TMEM132D: variants seen among roughly 807,000 people sequenced by gnomAD.
The protein encoded by TMEM132D is mature OL transmembrane protein.
In TMEM132D, 21 loss-of-function variants were observed where a neutral mutation model predicts 62.3. The observed-to-expected ratio is 0.34, with a 90% CI of 0.24 to 0.49. The LOEUF is 0.49. Ranked by LOEUF, TMEM132D falls within the 20% of genes least tolerant of loss-of-function variation. TMEM132D has a pLI of 0.99. For missense variants in TMEM132D, 1,346 were observed against 1,402.8 expected, an observed-to-expected ratio of 0.96 and a Z score of 0.65; for synonymous variants, 621 against 575.6, an observed-to-expected ratio of 1.08 and a Z score of -1.13.
At chr12:129,199,707 A>G (rs926109805) in intron 5 of TMEM132D, among the ~76,000 whole-genome samples, 1 of 152,138 alleles carries the variant, frequency 6.6e-6, no homozygotes. Context: ...AGGAGGAGCA[A>G]AGGCATGTCT....
chr12:129,585,220 A>G (rs912283872), intron 2 of TMEM132D, among the ~76,000 whole-genome samples: 2 of 152,194 alleles, frequency 1.3e-5, no homozygotes, highest in African/African-American at 4.8e-5. Flanking sequence ...AATTTAAAAC[A>G]TATGTTATTA....
intron 3 of TMEM132D, among the ~76,000 whole-genome samples, chr12:129,403,449 T>A (rs974579695): frequency 2.6e-5 from 4 of 151,290 alleles, no homozygotes; most frequent in African/African-American, 7.3e-5. Flanking sequence ...GTGGAGTGAG[T>A]AGGAAACGGC....
At position 129,084,532 on chromosome 12, in the gene TMEM132D, G is replaced by A. The variant is rs2135619496; in HGVS notation, c.1614C>T (p.Ile538=). ...IEVSDTELNQ[I]KGWRVPIVSS... ...AGACGATGGGCACTCTCCAACCCTT[G>A]ATCTGATTGAGCTCGGTGTCGGAGA... Residue 538 remains isoleucine, a synonymous_variant, in exon 6 of 9, where the codon ATC becomes ATT. Coordinates refer to ENST00000422113, the MANE Select transcript of TMEM132D (RefSeq NM_133448.3). 1 of 1,611,344 alleles carries A rather than the reference G, an allele frequency of 6.2e-7. No homozygotes were observed. Among genetic ancestry groups the A allele is most frequent in the Non-Finnish European group, 8.5e-7 (1 of 1,178,626 alleles).
intron 1 of TMEM132D, chr12:129,852,282 AC>A (rs1327265655): frequency 2.0e-5 from 3 of 152,216 alleles, no homozygotes; most frequent in African/African-American, 7.2e-5. Flanking sequence ...AGTGGCTCAC[AC>A]CTGTAATACC....
chr12:129,284,648 G>C (rs1220473233), intron 4 of TMEM132D, among the ~76,000 whole-genome samples: 1 of 152,196 alleles, frequency 6.6e-6, no homozygotes, highest in Non-Finnish European at 1.5e-5. Flanking sequence ...CAATAGGCAA[G>C]GGTGAAAACA....
At chr12:129,236,524 A>G (rs1566007187) in intron 4 of TMEM132D, among the ~76,000 whole-genome samples, 1 of 147,632 alleles carries the variant, frequency 6.8e-6, no homozygotes, top group Non-Finnish European at 1.5e-5. Context: ...CAAAAAAAAA[A>G]AAAAAAAGAA....
At chr12:129,366,600 G>A (rs1158531046) in intron 3 of TMEM132D, among the ~76,000 whole-genome samples, 2 of 152,176 alleles carry the variant, frequency 1.3e-5, no homozygotes, top group Non-Finnish European at 2.9e-5. Flanking sequence ...TTCTTTATAG[G>A]AATGCAAGAA....
chr12:129,698,958 TA>T (rs1408371264), intron 2 of TMEM132D, among the ~76,000 whole-genome samples: 1 of 152,150 alleles, frequency 6.6e-6, no homozygotes, highest in Non-Finnish European at 1.5e-5. Context: ...TCAGGAGTCA[TA>T]ACACACATTT....
intron 4 of TMEM132D, among the ~76,000 whole-genome samples, chr12:129,264,675 C>T (rs1229956453): frequency 6.6e-6 from 1 of 152,156 alleles, no homozygotes; most frequent in African/African-American, 2.4e-5. Flanking sequence ...CCCAAATGCC[C>T]ATCAATCAAT....
intron 5 of TMEM132D, among the ~76,000 whole-genome samples, chr12:129,182,358 C>T (rs550915004): frequency 2.4e-4 from 37 of 152,252 alleles, no homozygotes; most frequent in African/African-American, 8.7e-4. Flanking sequence ...AGCAAGACTC[C>T]ATCTCAAAAT....
At chr12:129,805,187 A>T (rs1593168788) in intron 1 of TMEM132D, among the ~76,000 whole-genome samples, 1 of 151,840 alleles carries the variant, frequency 6.6e-6, no homozygotes, top group African/African-American at 2.4e-5. Context: ...ATTGGAAAAA[A>T]CTACTTTAAA....
At chr12:129,436,005 G>T (rs992187940) in intron 3 of TMEM132D, among the ~76,000 whole-genome samples, 1 of 152,192 alleles carries the variant, frequency 6.6e-6, no homozygotes, top group Admixed American at 6.5e-5. Flanking sequence ...TTTAGGAACA[G>T]CTCTTTGAAT....
chr12:129,350,916 G>A (rs1019885733), intron 3 of TMEM132D, among the ~76,000 whole-genome samples: 7 of 152,180 alleles, frequency 4.6e-5, no homozygotes, highest in Non-Finnish European at 7.3e-5. Context: ...TATACATGAC[G>A]AATGAGGGCA....
At chr12:129,130,792 T>C (rs1414508513) in intron 5 of TMEM132D, among the ~76,000 whole-genome samples, 1 of 152,116 alleles carries the variant, frequency 6.6e-6, no homozygotes, top group African/African-American at 2.4e-5. Context: ...CGGTGCATAT[T>C]ACAGAAATTA....
chr12:129,671,411 A>G (rs898688207), intron 2 of TMEM132D, among the ~76,000 whole-genome samples: 1 of 152,240 alleles, frequency 6.6e-6, no homozygotes, highest in Non-Finnish European at 1.5e-5. Context: ...ACATTTAAGA[A>G]TAAGTAAATA....
rs183417628 is a variant in TMEM132D at position 129,352,891 on chromosome 12, C to T, written c.1116-15074G>A. The stretch of plus-strand genomic sequence containing the variant: ...ACCTAGAACCAGAAATACCACTTGA[C>T]CCAGCAATCCCATTACTGGGTATAT... On this transcript the variant is annotated intron_variant, in intron 3 of 8. Coordinates refer to ENST00000422113, the MANE Select transcript of TMEM132D (RefSeq NM_133448.3). Among the ~76,000 whole-genome samples the T allele has an allele frequency of 2.6e-5, 4 of 152,288 alleles. No homozygotes were observed. The East Asian group carries it at 5.8e-4, about 22-fold the overall frequency.
chr12:129,222,915 C>CA (rs35565056), intron 4 of TMEM132D, among the ~76,000 whole-genome samples: 48,103 of 151,634 alleles, frequency 0.32, 8,003 homozygotes, highest in Middle Eastern at 0.42. Context: ...CTCTCACTAC[C>CA]AAAAAAAGGT....
chr12:129,103,836 G>T (rs2135638138), intron 5 of TMEM132D, among the ~76,000 whole-genome samples: 1 of 152,314 alleles, frequency 6.6e-6, no homozygotes, highest in African/African-American at 2.4e-5. Context: ...ACTTACAAGG[G>T]AGGTGAAGGA....
intron 5 of TMEM132D, among the ~76,000 whole-genome samples, chr12:129,092,189 T>C (rs1304348275): frequency 6.6e-6 from 1 of 152,244 alleles, no homozygotes; most frequent in South Asian, 2.1e-4. Context: ...CCGGCACTTA[T>C]GTGAATTTAA....
Sources: gnomAD v4.1 joint callset for allele counts (sites outside exome capture counted in the v4.1 genomes callset) on GRCh38, gnomAD v4.1.1 for gene constraint, MANE v1.5 for transcripts, NCBI Gene and HGNC (gene_info 2026-07-23, HGNC 2026-07-21) for gene names.